EEPD1: variants seen among roughly 807,000 people sequenced by gnomAD.
EEPD1 encodes the protein endonuclease/exonuclease/phosphatase family domain containing 1.
EEPD1 carries 17 observed loss-of-function variants against 46.3 expected under a neutral mutation model. That is an observed-to-expected ratio of 0.37 (90% CI 0.25 to 0.55). The LOEUF (loss-of-function observed/expected upper bound fraction) is 0.55, where lower values mean the gene tolerates loss of function less well. Among genes scored for constraint, EEPD1 ranks in the 20% least tolerant of loss-of-function variants. The pLI is 0.83. For missense variants in EEPD1, 673 were observed against 745.6 expected (o/e 0.90, Z 1.13); for synonymous variants, 313 against 315.6 (o/e 0.99, Z 0.09).
rs549978453 is a variant in EEPD1 at position 36,168,839 on chromosome 7, C to G, written c.878+13637C>G. Among the ~76,000 whole-genome samples the G allele has an allele frequency of 3.3e-5, 5 of 151,444 alleles. No individual in the cohort carries two copies. In the East Asian group the frequency reaches 7.8e-4, roughly 24 times the overall value. On this transcript the variant is annotated intron_variant, in intron 2 of 7. Transcript: ENST00000242108. ...TAGAAGTATGAAGAGACAGATTTAACTGGGGGTAAAGGACCCTGTCCTCTT... is the reference window on the plus strand; with the variant it reads ...TAGAAGTATGAAGAGACAGATTTAAGTGGGGGTAAAGGACCCTGTCCTCTT...
At chr7:36,262,316 T>C (rs2115832438) in intron 3 of EEPD1, among the ~76,000 whole-genome samples, 1 of 152,088 alleles carries the variant, frequency 6.6e-6, no homozygotes. Flanking sequence ...GGTGAATCCA[T>C]AGGATCTACA....
intron 2 of EEPD1, among the ~76,000 whole-genome samples, chr7:36,159,713 T>G (rs1784873556): frequency 6.6e-6 from 1 of 152,186 alleles, no homozygotes; most frequent in South Asian, 2.1e-4. Context: ...AACCCTGAGA[T>G]TGTGTCAGGC....
chr7:36,169,672 TAC>T (rs1430999213), intron 2 of EEPD1, among the ~76,000 whole-genome samples: 1 of 152,236 alleles, frequency 6.6e-6, no homozygotes, highest in Non-Finnish European at 1.5e-5. Flanking sequence ...GGAGTCATTG[TAC>T]CAGGACATAA....
At chr7:36,195,249 G>A (rs996231953) in intron 2 of EEPD1, among the ~76,000 whole-genome samples, 14 of 152,292 alleles carry the variant, frequency 9.2e-5, no homozygotes, top group African/African-American at 2.9e-4. Context: ...GGGAGCATGC[G>A]GGATTTACTC....
chr7:36,201,472 G>A (rs984068461), intron 2 of EEPD1, among the ~76,000 whole-genome samples: 3 of 152,150 alleles, frequency 2.0e-5, no homozygotes, highest in Non-Finnish European at 4.4e-5. Flanking sequence ...GACTAGGTTC[G>A]AAACTTGTTT....
intron 3 of EEPD1, among the ~76,000 whole-genome samples, chr7:36,279,923 C>T (rs891174299): frequency 6.6e-6 from 1 of 152,178 alleles, no homozygotes; most frequent in Non-Finnish European, 1.5e-5. Flanking sequence ...TTCTTAGAAG[C>T]TATGCCAGTG....
chr7:36,272,627 A>C (rs555444842), intron 3 of EEPD1, among the ~76,000 whole-genome samples: 8 of 150,656 alleles, frequency 5.3e-5, no homozygotes, highest in African/African-American at 1.7e-4. Context: ...TCGTGGTGGG[A>C]GAGCACGTGG....
intron 2 of EEPD1, among the ~76,000 whole-genome samples, chr7:36,176,966 CTG>C (rs1785189860): frequency 1.3e-5 from 2 of 152,200 alleles, no homozygotes; most frequent in South Asian, 4.1e-4. Flanking sequence ...TGGACTTAAA[CTG>C]TTATCACACA....
At chr7:36,285,691 C>T (rs978998547) in intron 5 of EEPD1, among the ~76,000 whole-genome samples, 1 of 152,194 alleles carries the variant, frequency 6.6e-6, no homozygotes, top group Non-Finnish European at 1.5e-5. Flanking sequence ...AGCGTATCCC[C>T]TCCTGGGCAT....
intron 2 of EEPD1, among the ~76,000 whole-genome samples, chr7:36,211,408 G>A (rs1382728344): frequency 6.6e-6 from 1 of 152,036 alleles, no homozygotes; most frequent in African/African-American, 2.4e-5. Context: ...TTAGTAGGGA[G>A]ACAAGAAGGA....
At chr7:36,159,148 A>AT (rs1784866588) in intron 2 of EEPD1, among the ~76,000 whole-genome samples, 1 of 152,254 alleles carries the variant, frequency 6.6e-6, no homozygotes, top group South Asian at 2.1e-4. Flanking sequence ...TGATTCATTC[A>AT]TTGAAAAATA....
At chr7:36,157,879 C>T (rs902603732) in intron 2 of EEPD1, among the ~76,000 whole-genome samples, 2 of 152,124 alleles carry the variant, frequency 1.3e-5, no homozygotes, top group East Asian at 1.9e-4. Context: ...GCTGTGTGTT[C>T]GTCCTGATTC....
intron 6 of EEPD1, among the ~76,000 whole-genome samples, chr7:36,293,402 A>G (rs943039686): frequency 1.5e-4 from 23 of 152,182 alleles, no homozygotes; most frequent in Admixed American, 3.3e-4. Flanking sequence ...CTGGCTGGAC[A>G]TGCAATCCCA....
intron 2 of EEPD1, among the ~76,000 whole-genome samples, chr7:36,198,787 C>G (rs184549428): frequency 1.3e-5 from 2 of 152,246 alleles, no homozygotes; most frequent in East Asian, 3.9e-4. Flanking sequence ...GAGGCCTCAG[C>G]AAGAGCCATC....
chr7:36,286,361 T>G (rs764137786), intron 5 of EEPD1, among the ~76,000 whole-genome samples: 5 of 152,226 alleles, frequency 3.3e-5, no homozygotes, highest in Non-Finnish European at 5.9e-5. Context: ...GCTGCAGAGC[T>G]CTTGGTCCTG....
intron 2 of EEPD1, among the ~76,000 whole-genome samples, chr7:36,227,095 T>G (rs781293539): frequency 1.3e-5 from 2 of 152,150 alleles, no homozygotes; most frequent in Non-Finnish European, 2.9e-5. Flanking sequence ...CAGAAACAGA[T>G]GCAGAGGTGA....
chr7:36,177,902 C>T (rs773386260), intron 2 of EEPD1, among the ~76,000 whole-genome samples: 44 of 152,076 alleles, frequency 2.9e-4, no homozygotes, highest in Admixed American at 4.6e-4. Context: ...TTAGTAGAGA[C>T]GGAGTTTCAC....
intron 2 of EEPD1, among the ~76,000 whole-genome samples, chr7:36,156,524 A>G (rs1468825423): frequency 6.6e-6 from 1 of 152,198 alleles, no homozygotes; most frequent in African/African-American, 2.4e-5. Context: ...CCATAGCAGC[A>G]TGGGCGTGTG....
chr7:36,266,766 A>C (rs1787025642), intron 3 of EEPD1, among the ~76,000 whole-genome samples: 1 of 152,080 alleles, frequency 6.6e-6, no homozygotes, highest in Admixed American at 6.5e-5. Flanking sequence ...GGCACCTACC[A>C]ATCTGGATTC....
Sources: allele counts gnomAD v4.1 joint callset (sites outside exome capture counted in the v4.1 genomes callset), GRCh38; gene constraint gnomAD v4.1.1; transcripts MANE v1.5; gene names NCBI Gene and HGNC (gene_info 2026-07-23, HGNC 2026-07-21).